NUMA1: variants seen among roughly 807,000 people sequenced by gnomAD.
NUMA1 encodes the protein nuclear mitotic apparatus protein 1, also known as SP-H antigen.
NUMA1 carries 62 observed loss-of-function variants against 237.1 expected under a neutral mutation model. The observed-to-expected ratio is 0.26, with a 90% CI of 0.21 to 0.32. NUMA1 has a LOEUF of 0.32. Ranked by LOEUF, NUMA1 falls within the 10% of genes least tolerant of loss-of-function variation. The pLI is 1.00. For missense variants in NUMA1, 2,533 were observed against 2,666.5 expected (o/e 0.95, Z 1.10); for synonymous variants, 1,028 against 1,066.1 (o/e 0.96, Z 0.70).
At chr11:72,005,801 A>C in intron 22 of NUMA1, 1 of 559,500 alleles carries the variant, frequency 1.8e-6, no homozygotes, top group Non-Finnish European at 3.2e-6. Flanking sequence ...AAGTGTCACA[A>C]TTGTGCTGGG....
chr11:72,014,005 A>G lies in NUMA1; in HGVS notation c.3498T>C (p.Thr1166=), dbSNP rs139820576. The change falls in exon 15 of 27, where the codon ACT becomes ACC. Residue 1166 remains threonine (T), a synonymous_variant. Transcript: ENST00000393695. The surrounding 1 kb of genome is among the most constrained non-coding windows in gnomAD (Gnocchi z 4.6). ...SRAERDSALE[T]LQGQLEEKAQ... Reference sequence around the variant, plus strand: ...CCTTCTCCTCTAACTGGCCCTGCAGAGTCTCCAGAGCACTGTCCCGCTCAG... The same window carrying G: ...CCTTCTCCTCTAACTGGCCCTGCAGGGTCTCCAGAGCACTGTCCCGCTCAG... The G allele has an allele frequency of 8.1e-6, 13 of 1,611,810 alleles. No individual in the cohort carries two copies. In the South Asian group the frequency reaches 1.2e-4, roughly 15 times the overall value.
intron 2 of NUMA1, among the ~76,000 whole-genome samples, chr11:72,036,200 AC>A (rs1458237687): frequency 6.6e-6 from 1 of 152,188 alleles, no homozygotes; most frequent in East Asian, 1.9e-4. Flanking sequence ...CTCAATGTCT[AC>A]CCCATGTAAT....
At position 72,015,424 on chromosome 11, in the gene NUMA1, C is replaced by T; in HGVS notation, c.2079G>A (p.Val693=). 1 of 1,611,820 alleles carries T rather than the reference C, an allele frequency of 6.2e-7. No homozygotes were observed. The highest frequency in any genetic ancestry group is 8.5e-7 in the Non-Finnish European group (1 of 1,180,016). The change falls in exon 15 of 27, where the codon GTG becomes GTA. Residue 693 remains valine (V), a synonymous_variant. Transcript: ENST00000393695. This position sits in a 1 kb window ranked among gnomAD's most constrained non-coding sequence, Gnocchi z 4.0. The stretch of plus-strand genomic sequence containing the variant: ...CCTGGAGCTGGTCCTTCTCCTGGGC[C>T]ACCCTTTCTTTCTCAGTTGCTTTTT... ...EQQKATEKER[V]AQEKDQLQEQ...
At chr11:72,057,501 T>C (rs948735747) in intron 2 of NUMA1, among the ~76,000 whole-genome samples, 1 of 152,222 alleles carries the variant, frequency 6.6e-6, no homozygotes, top group African/African-American at 2.4e-5. Flanking sequence ...CCCAGCACTT[T>C]GGAAGGCTGA....
Position 72,013,130 on chromosome 11 carries a change from G to T in NUMA1, c.4373C>A (p.Ala1458Asp), listed in dbSNP as rs779249263. 8.7e-6 allele frequency: 14 copies of T among 1,613,998 alleles called. No homozygotes were observed. Among genetic ancestry groups the T allele is most frequent in the Non-Finnish European group, 1.2e-5 (14 of 1,180,046 alleles). ...TTCCAGAAACTGCCGGCCAAGGTTG[G>T]CCCGCTCACCCAGCCCCCGGTTCTC... is the stretch of plus-strand genomic sequence containing the variant. ...AEENRGLGER[A>D]NLGRQFLEVE... is the part of the protein sequence containing the mutation. Residue 1458 changes from alanine to aspartate, a missense_variant, in exon 15 of 27, where the codon GCC becomes GAC. Transcript: ENST00000393695. The surrounding 1 kb of genome is among the most constrained non-coding windows in gnomAD (Gnocchi z 6.8).
Position 72,004,755 on chromosome 11 carries a change from G to A in NUMA1, c.5891C>T (p.Thr1964Ile), listed in dbSNP as rs753199106. ...TGGCTGCATGCTGGCTCGGCGCAGG[G>A]TCTCTTGGGGGTCTCCAGTTTTCAT... ...EEMKTGDPQE[T>I]LRRASMQPIQ... Residue 1964 changes from threonine (T) to isoleucine (I), a missense_variant, in exon 24 of 27, where the codon ACC becomes ATC. Thr to Ile is a moderately conservative substitution (Grantham distance 89, BLOSUM62 -1). This residue lies in a region of NUMA1 where 795 missense variants were observed against 750.8 expected (regional missense o/e 1.06). Coordinates refer to ENST00000393695, the MANE Select transcript of NUMA1 (RefSeq NM_006185.4). 6.2e-7 allele frequency: 1 copy of A among 1,608,296 alleles called. No homozygotes were observed. Among genetic ancestry groups the A allele is most frequent in the Non-Finnish European group, 8.5e-7 (1 of 1,177,758 alleles).
In NUMA1 at chr11:72,004,762, G is replaced by A; in HGVS notation, c.5884C>T (p.Gln1962Ter). 2 of 1,604,148 alleles carry A rather than the reference G, an allele frequency of 1.2e-6. No individual in the cohort carries two copies. The highest frequency in any genetic ancestry group is 1.7e-6 in the Non-Finnish European group (2 of 1,176,214). The change falls in exon 24 of 27, where the codon CAA becomes TAA. Residue 1962 changes from glutamine (Q) to a stop codon, truncating the protein, a stop_gained. Coordinates refer to ENST00000393695, the MANE Select transcript of NUMA1 (RefSeq NM_006185.4). LOFTEE classifies it high-confidence loss of function. ...ATGCTGGCTCGGCGCAGGGTCTCTT[G>A]GGGGTCTCCAGTTTTCATCTCCTCA... ...TDEEMKTGDPQETLRRASMQP... is the reference protein window; with the variant it reads ...TDEEMKTGDP
intron 13 of NUMA1, chr11:72,017,262 C>T (rs1937963249): frequency 4.4e-6 from 1 of 226,364 alleles, no homozygotes; most frequent in Admixed American, 5.1e-5. Context: ...TGGGTTCTTA[C>T]CAATAGTAAC....
chr11:72,011,010 G>A lies in NUMA1; in HGVS notation c.4651-156C>T, dbSNP rs181949816. ...CTGGCCTCCAATTACGGAACAGCCTGCTGCCCAGGCTGCTTGGCAGGGCCT... is the reference window on the plus strand; with the variant it reads ...CTGGCCTCCAATTACGGAACAGCCTACTGCCCAGGCTGCTTGGCAGGGCCT... On this transcript the variant is annotated intron_variant, in intron 16 of 26. Coordinates refer to ENST00000393695, the MANE Select transcript of NUMA1 (RefSeq NM_006185.4). Among the ~76,000 whole-genome samples the A allele has an allele frequency of 2.6e-5, 4 of 152,308 alleles. No individual in the cohort carries two copies. In the East Asian group the frequency reaches 7.7e-4, roughly 29 times the overall value.
intron 2 of NUMA1, chr11:72,047,764 G>A (rs1016993148): frequency 1.1e-4 from 17 of 152,282 alleles, no homozygotes; most frequent in African/African-American, 4.1e-4. Context: ...TAACAGCAAC[G>A]ATAATGATAG....
At chr11:72,058,294 T>C (rs931164552) in intron 2 of NUMA1, among the ~76,000 whole-genome samples, 4 of 152,144 alleles carry the variant, frequency 2.6e-5, no homozygotes, top group African/African-American at 9.7e-5. Flanking sequence ...AAAACATAAA[T>C]ACAAATATAT....
chr11:72,049,583 A>ATATATATAGT (rs71052844), intron 2 of NUMA1: 1 of 22,556 alleles, frequency 4.4e-5, no homozygotes, highest in African/African-American at 1.0e-4. Flanking sequence ...ATATATATAT[A>ATATATATAGT]GTGTGTGTGT....
chr11:72,021,296 G>T lies in NUMA1; in HGVS notation c.373-5C>A, dbSNP rs1163323058. On this transcript the variant is annotated splice_polypyrimidine_tract_variant and splice_region_variant and intron_variant, in intron 7 of 26. Coordinates refer to ENST00000393695, the MANE Select transcript of NUMA1 (RefSeq NM_006185.4). ...AAGAATGACAGCCAACTCAGCCTGG[G>T]CCACAGGGAGAAAAAGAGCATCACT... 1 of 1,613,786 alleles carries T rather than the reference G, an allele frequency of 6.2e-7. No individual in the cohort carries two copies. The highest frequency in any genetic ancestry group is 8.5e-7 in the Non-Finnish European group (1 of 1,179,728).
At chr11:72,067,618 A>G (rs612255) in intron 2 of NUMA1, 140,821 of 152,170 alleles carry the variant, frequency 0.93, 65,432 homozygotes, top group Non-Finnish European at 0.98. Context: ...TAATTTAGGA[A>G]GTAAAAAAGA....
At chr11:72,068,204 A>G (rs1943285098) in intron 2 of NUMA1, 1 of 152,238 alleles carries the variant, frequency 6.6e-6, no homozygotes, top group South Asian at 2.1e-4. Flanking sequence ...TGGAGATGGG[A>G]CTGCAATGGC....
At chr11:72,023,004 T>TC in intron 6 of NUMA1, 61 bp downstream of exon 6, 2 of 1,190,682 alleles carry the variant, frequency 1.7e-6, no homozygotes, top group Non-Finnish European at 2.5e-6. Flanking sequence ...CCCTGCAGGG[T>TC]CCCTCAGGTA....
At chr11:72,023,918 G>A (rs1226154014) in intron 5 of NUMA1, among the ~76,000 whole-genome samples, 1 of 152,166 alleles carries the variant, frequency 6.6e-6, no homozygotes, top group Non-Finnish European at 1.5e-5. Context: ...GGGAAAAACA[G>A]TTTTTCTTGC....
At chr11:72,010,875 C>G (rs780756160) in intron 16 of NUMA1, 21 bp from the exon 17 acceptor site, 4 of 1,610,020 alleles carry the variant, frequency 2.5e-6, no homozygotes, top group Admixed American at 1.7e-5. Flanking sequence ...AAGAGGAGGA[C>G]AGAAGACTCA....
chr11:72,014,080 C>T lies in NUMA1; in HGVS notation c.3423G>A (p.Glu1141=). ...KLEQQCQKQQ[E]QADSLERSLE... ...GGCTGCGTTCCAGGCTGTCAGCCTG[C>T]TCCTGCTGCTTCTGGCATTGCTGTT... is the stretch of plus-strand genomic sequence containing the variant. The change falls in exon 15 of 27, where the codon GAG becomes GAA. Residue 1141 remains glutamate (E), a synonymous_variant. Coordinates refer to ENST00000393695, the MANE Select transcript of NUMA1 (RefSeq NM_006185.4). This position sits in a 1 kb window ranked among gnomAD's most constrained non-coding sequence, Gnocchi z 4.6. The T allele has an allele frequency of 6.2e-7, 1 of 1,611,070 alleles. No individual in the cohort carries two copies. The highest frequency in any genetic ancestry group is 8.5e-7 in the Non-Finnish European group (1 of 1,180,028).
Sources: gnomAD v4.1 joint callset for allele counts (sites outside exome capture counted in the v4.1 genomes callset) on GRCh38, gnomAD v4.1.1 for gene constraint, gnomAD v4.1.1 regional missense constraint, Gnocchi (gnomAD v3.1) non-coding constraint, MANE v1.5 for transcripts, NCBI Gene and HGNC (gene_info 2026-07-23, HGNC 2026-07-21) for gene names.